The following MAGI1 variants were observed in gnomAD, a reference collection of about 807,000 sequenced individuals.
The protein encoded by MAGI1 is membrane associated guanylate kinase, WW and PDZ domain containing 1, also known as membrane-associated guanylate kinase, WW and PDZ domain-containing protein 1.
A neutral mutation model predicts 139.9 loss-of-function variants in MAGI1; 58 were observed. The observed-to-expected ratio is 0.41, with a 90% CI of 0.34 to 0.52. The LOEUF is 0.52. Among genes scored for constraint, MAGI1 ranks in the 20% least tolerant of loss-of-function variants. MAGI1 has a pLI of 0.12. For synonymous variants in MAGI1, 812 were observed against 737.9 expected, an observed-to-expected ratio of 1.10 and a Z score of -1.63; for missense variants, 1,874 against 1,901.6, an observed-to-expected ratio of 0.99 and a Z score of 0.27.
intron 2 of MAGI1, among the ~76,000 whole-genome samples, chr3:65,556,006 T>C (rs1020696242): frequency 6.6e-6 from 1 of 152,220 alleles, no homozygotes; most frequent in African/African-American, 2.4e-5. Flanking sequence ...TGACACGTTA[T>C]GCTTGATTCT....
In MAGI1 at chr3:65,672,506, A is replaced by T. The variant is rs912733146; in HGVS notation, c.314-50418T>A. ...TTATATACCCATGTGTAAAAATAGG[A>T]TGAAAATGATTACATTTGAAAGTGC... On this transcript the variant is annotated intron_variant, in intron 1 of 22. Coordinates refer to ENST00000402939, the MANE Select transcript of MAGI1 (RefSeq NM_001033057.2). Among the ~76,000 whole-genome samples, 8 of 152,322 alleles carry T rather than the reference A, an allele frequency of 5.3e-5. No homozygotes were observed. The East Asian group carries it at 1.5e-3, about 29-fold the overall frequency.
intron 1 of MAGI1, among the ~76,000 whole-genome samples, chr3:65,862,010 C>T (rs147999119): frequency 6.6e-4 from 101 of 152,288 alleles, no homozygotes; most frequent in African/African-American, 2.4e-3. Context: ...TTGGCACCAC[C>T]AGGCTCCCAG....
intron 1 of MAGI1, among the ~76,000 whole-genome samples, chr3:65,898,631 C>A (rs1575920345): frequency 1.3e-5 from 2 of 152,040 alleles, no homozygotes; most frequent in Non-Finnish European, 2.9e-5. Context: ...ACTTAGTATA[C>A]AAAGTCCTTC....
intron 1 of MAGI1, among the ~76,000 whole-genome samples, chr3:66,035,811 A>G (rs939540955): frequency 2.0e-5 from 3 of 152,104 alleles, no homozygotes; most frequent in Admixed American, 2.0e-4. Context: ...TTTCCTTTCA[A>G]CTCAGAGGTG....
intron 17 of MAGI1, among the ~76,000 whole-genome samples, chr3:65,378,408 T>C (rs745931550): frequency 3.1e-4 from 47 of 152,182 alleles, no homozygotes; most frequent in Non-Finnish European, 5.7e-4. Context: ...TAAAAAAAAT[T>C]CCTATGGGGA....
At chr3:65,757,069 G>A (rs1459255542) in intron 1 of MAGI1, among the ~76,000 whole-genome samples, 2 of 140,248 alleles carry the variant, frequency 1.4e-5, no homozygotes, top group Non-Finnish European at 3.0e-5. Context: ...CTCCTTGCCG[G>A]GAGGTTTATA....
chr3:65,817,820 GT>G (rs1019878462), intron 1 of MAGI1, among the ~76,000 whole-genome samples: 12 of 152,296 alleles, frequency 7.9e-5, no homozygotes, highest in Middle Eastern at 3.4e-3. Context: ...CTTTGCCTGT[GT>G]TTTTAAGCTA....
chr3:65,820,537 G>A (rs1271520845), intron 1 of MAGI1, among the ~76,000 whole-genome samples: 5 of 152,008 alleles, frequency 3.3e-5, no homozygotes, highest in African/African-American at 7.2e-5. Flanking sequence ...TTAATCTTTC[G>A]GGGTCATGAG....
At chr3:65,811,693 C>CAA (rs745690581) in intron 1 of MAGI1, among the ~76,000 whole-genome samples, 10 of 140,552 alleles carry the variant, frequency 7.1e-5, no homozygotes, top group Non-Finnish European at 9.4e-5. Flanking sequence ...AATACACAAA[C>CAA]AAAAAAAAAA....
At chr3:65,403,357 G>A (rs896412093) in intron 12 of MAGI1, among the ~76,000 whole-genome samples, 3 of 152,016 alleles carry the variant, frequency 2.0e-5, no homozygotes, top group Non-Finnish European at 4.4e-5. Flanking sequence ...AAGATTATAG[G>A]AGAAAATATT....
chr3:66,022,732 G>A (rs780624315), intron 1 of MAGI1, among the ~76,000 whole-genome samples: 10 of 152,124 alleles, frequency 6.6e-5, no homozygotes, highest in Non-Finnish European at 1.3e-4. Context: ...CCATTATAAT[G>A]CCATATAATT....
At chr3:65,759,719 T>C (rs764693534) in intron 1 of MAGI1, among the ~76,000 whole-genome samples, 3 of 152,306 alleles carry the variant, frequency 2.0e-5, no homozygotes, top group Non-Finnish European at 2.9e-5. Flanking sequence ...TTCAACGTCA[T>C]GGGGCAATGC....
intron 2 of MAGI1, chr3:65,549,431 G>C (rs973516448): frequency 5.1e-6 from 5 of 985,092 alleles, no homozygotes; most frequent in African/African-American, 1.7e-5. Flanking sequence ...AGCGGCCCCG[G>C]AGTTCGCCTC....
At chr3:65,899,273 T>G (rs1296685428) in intron 1 of MAGI1, among the ~76,000 whole-genome samples, 3 of 152,170 alleles carry the variant, frequency 2.0e-5, no homozygotes, top group Admixed American at 2.0e-4. Context: ...AGAAAATACA[T>G]TCACAGTGGA....
intron 2 of MAGI1, among the ~76,000 whole-genome samples, chr3:65,541,473 G>T (rs764836610): frequency 1.3e-5 from 2 of 152,096 alleles, no homozygotes; most frequent in Non-Finnish European, 2.9e-5. Flanking sequence ...AACAAAAAAA[G>T]AAAATTTCAG....
chr3:65,712,295 G>A (rs1460355224), intron 1 of MAGI1, among the ~76,000 whole-genome samples: 2 of 151,872 alleles, frequency 1.3e-5, no homozygotes, highest in African/African-American at 4.8e-5. Context: ...TGAGGAAACT[G>A]AGCCGCACAG....
chr3:65,541,599 T>C (rs1369590408), intron 2 of MAGI1, among the ~76,000 whole-genome samples: 1 of 152,206 alleles, frequency 6.6e-6, no homozygotes, highest in Non-Finnish European at 1.5e-5. Flanking sequence ...ATCCCTGGGA[T>C]GCAAGTCTGG....
At chr3:65,888,905 A>G (rs1215532157) in intron 1 of MAGI1, among the ~76,000 whole-genome samples, 1 of 152,178 alleles carries the variant, frequency 6.6e-6, no homozygotes, top group African/African-American at 2.4e-5. Context: ...AATGTGAGTA[A>G]AAGTATTTTC....
intron 1 of MAGI1, among the ~76,000 whole-genome samples, chr3:65,798,709 C>T (rs554178257): frequency 7.9e-5 from 12 of 152,336 alleles, no homozygotes; most frequent in East Asian, 7.7e-4. Flanking sequence ...CCATTATCCA[C>T]GGCTTCGCTT....
Sources: allele counts gnomAD v4.1 joint callset (sites outside exome capture counted in the v4.1 genomes callset), GRCh38; gene constraint gnomAD v4.1.1; transcripts MANE v1.5; gene names NCBI Gene and HGNC (gene_info 2026-07-23, HGNC 2026-07-21).